NEGR1: variants seen among roughly 807,000 people sequenced by gnomAD.
NEGR1 encodes IgLON family member 4.
Under a neutral mutation model 40.9 loss-of-function variants are expected in NEGR1, and 10 were observed. The observed-to-expected ratio is 0.24, with a 90% CI of 0.15 to 0.42. The LOEUF (loss-of-function observed/expected upper bound fraction) is 0.42, where lower values mean the gene tolerates loss of function less well. NEGR1 is among the 10% of genes least tolerant of loss of function. The probability of loss-of-function intolerance (pLI) is 1.00; values close to 1 mark genes in which losing one functional copy is unlikely to be tolerated. For missense variants in NEGR1, 352 were observed against 438.9 expected (o/e 0.80, Z 1.77); for synonymous variants, 185 against 166.8 (o/e 1.11, Z -0.84).
At chr1:71,579,603 A>ATTTTTTT (rs36097070) in intron 6 of NEGR1, among the ~76,000 whole-genome samples, 1 of 138,878 alleles carries the variant, frequency 7.2e-6, no homozygotes, top group Non-Finnish European at 1.5e-5. Context: ...ACTACTTAAG[A>ATTTTTTT]TTTTTTTTTT....
intron 3 of NEGR1, among the ~76,000 whole-genome samples, chr1:71,759,783 T>C (rs1353485991): frequency 6.6e-6 from 1 of 151,594 alleles, no homozygotes; most frequent in African/African-American, 2.4e-5. Context: ...CTACTTTTTG[T>C]ATTTTTAGTA....
chr1:71,644,191 T>C (rs1651451418), intron 4 of NEGR1, among the ~76,000 whole-genome samples: 1 of 151,860 alleles, frequency 6.6e-6, no homozygotes. Flanking sequence ...TTGATTTGAG[T>C]TCCTCTCTAG....
At chr1:71,617,461 T>G (rs948676219) in intron 4 of NEGR1, among the ~76,000 whole-genome samples, 2 of 152,226 alleles carry the variant, frequency 1.3e-5, no homozygotes, top group Non-Finnish European at 2.9e-5. Context: ...ATATGTTATG[T>G]GCACTTTCGT....
intron 4 of NEGR1, among the ~76,000 whole-genome samples, chr1:71,670,806 A>T (rs10749801): frequency 0.98 from 149,678 of 152,230 alleles, 73,627 homozygotes; most frequent in Middle Eastern, 1. Flanking sequence ...TGTCTCTCTG[A>T]TCAAATCAGT....
intron 3 of NEGR1, among the ~76,000 whole-genome samples, chr1:71,772,554 A>G (rs1414479029): frequency 1.3e-5 from 2 of 152,224 alleles, no homozygotes; most frequent in African/African-American, 4.8e-5. Context: ...GTACTAGACA[A>G]AAAAGTATTC....
At chr1:71,629,723 G>C (rs1329668226) in intron 4 of NEGR1, among the ~76,000 whole-genome samples, 1 of 151,880 alleles carries the variant, frequency 6.6e-6, no homozygotes, top group Non-Finnish European at 1.5e-5. Context: ...AGTCATCTCA[G>C]CCCAAAATCT....
intron 4 of NEGR1, among the ~76,000 whole-genome samples, chr1:71,671,288 C>T (rs2901617): frequency 1.3e-5 from 2 of 151,800 alleles, no homozygotes; most frequent in Non-Finnish European, 2.9e-5. Flanking sequence ...CTCACTTGGA[C>T]ACACTGGAGA....
At chr1:72,107,352 T>C (rs967962088) in intron 1 of NEGR1, among the ~76,000 whole-genome samples, 15 of 151,578 alleles carry the variant, frequency 9.9e-5, no homozygotes, top group African/African-American at 3.4e-4. Flanking sequence ...AAAAACATTG[T>C]ATTGAACAAC....
intron 1 of NEGR1, among the ~76,000 whole-genome samples, chr1:72,195,609 T>C (rs1570107138): frequency 6.6e-6 from 1 of 151,792 alleles, no homozygotes; most frequent in East Asian, 1.9e-4. Flanking sequence ...ATTTGTATGT[T>C]TCTGCAAAGC....
chr1:71,925,927 T>G lies in NEGR1; in HGVS notation c.409+9152A>C, dbSNP rs149596620. ...TGCACTGGGATTTGACATGTATTAC[T>G]TACACAGTTATTTTCTTTGTTTTTT... On this transcript the variant is annotated intron_variant, in intron 2 of 6. Coordinates refer to ENST00000357731, the MANE Select transcript of NEGR1 (RefSeq NM_173808.3). 1.2e-3 allele frequency among the ~76,000 whole-genome samples: 177 copies of G among 152,128 alleles called. 1 individual carries two copies. Among genetic ancestry groups the G allele is most frequent in the African/African-American group, 4.3e-3 (177 of 41,430 alleles).
chr1:71,994,195 T>C (rs1007865782), intron 1 of NEGR1, among the ~76,000 whole-genome samples: 12 of 152,172 alleles, frequency 7.9e-5, no homozygotes, highest in African/African-American at 1.4e-4. Flanking sequence ...TTTAGAATTA[T>C]GAGCCTAAAG....
chr1:71,849,051 G>C (rs1000834117), intron 2 of NEGR1, among the ~76,000 whole-genome samples: 4 of 151,534 alleles, frequency 2.6e-5, no homozygotes, highest in African/African-American at 9.7e-5. Flanking sequence ...ATTGTGCCAC[G>C]GCACTCCAGT....
At chr1:71,483,122 C>G (rs565069370) in intron 6 of NEGR1, among the ~76,000 whole-genome samples, 1 of 151,420 alleles carries the variant, frequency 6.6e-6, no homozygotes, top group South Asian at 2.1e-4. Context: ...AGTTATGTTG[C>G]AGACAGGGAA....
chr1:72,019,929 T>C (rs1041440215), intron 1 of NEGR1, among the ~76,000 whole-genome samples: 1 of 152,220 alleles, frequency 6.6e-6, no homozygotes, highest in Admixed American at 6.5e-5. Flanking sequence ...GCCAAGGGTT[T>C]CACATATTCT....
chr1:71,929,721 T>C (rs1645836731), intron 2 of NEGR1, among the ~76,000 whole-genome samples: 1 of 150,956 alleles, frequency 6.6e-6, no homozygotes, highest in Non-Finnish European at 1.5e-5. Context: ...CATGCTTTTT[T>C]CACCATTACT....
At chr1:71,523,299 AT>A (rs1413155693) in intron 6 of NEGR1, among the ~76,000 whole-genome samples, 1 of 151,892 alleles carries the variant, frequency 6.6e-6, no homozygotes, top group Non-Finnish European at 1.5e-5. Flanking sequence ...AGATCCTAAC[AT>A]AATGCAGAAA....
At chr1:72,100,049 C>T (rs190343009) in intron 1 of NEGR1, among the ~76,000 whole-genome samples, 23 of 152,096 alleles carry the variant, frequency 1.5e-4, no homozygotes, top group Non-Finnish European at 2.9e-4. Context: ...ATTTAAATAA[C>T]ATAATGTCAA....
intron 1 of NEGR1, among the ~76,000 whole-genome samples, chr1:71,993,819 A>G (rs962600504): frequency 7.2e-5 from 11 of 152,108 alleles, no homozygotes; most frequent in African/African-American, 2.2e-4. Context: ...CTGAAATTTT[A>G]ACTAACTCCA....
intron 6 of NEGR1, among the ~76,000 whole-genome samples, chr1:71,501,835 AT>A (rs1489242111): frequency 6.6e-6 from 1 of 152,238 alleles, no homozygotes; most frequent in Non-Finnish European, 1.5e-5. Context: ...ATTATTATAA[AT>A]TGCACAAAAT....
Sources: allele counts gnomAD v4.1 joint callset (sites outside exome capture counted in the v4.1 genomes callset), GRCh38; gene constraint gnomAD v4.1.1; transcripts MANE v1.5; gene names NCBI Gene and HGNC (gene_info 2026-07-23, HGNC 2026-07-21).